The following CTNND2 variants were observed in gnomAD, a reference collection of about 807,000 sequenced individuals.
The protein encoded by CTNND2 is catenin delta 2.
A neutral mutation model predicts 144.4 loss-of-function variants in CTNND2; 22 were observed. The observed-to-expected ratio is 0.15, with a 90% CI of 0.11 to 0.22. The LOEUF is 0.22. Ranked by LOEUF, CTNND2 falls within the 10% of genes least tolerant of loss-of-function variation. CTNND2 has a pLI of 1.00. For synonymous variants in CTNND2, 751 were observed against 695.6 expected (o/e 1.08, Z -1.25); for missense variants, 1,353 against 1,618.8 (o/e 0.84, Z 2.82).
chr5:11,858,646 C>T (rs1356080375), intron 1 of CTNND2, among the ~76,000 whole-genome samples: 1 of 152,164 alleles, frequency 6.6e-6, no homozygotes, highest in African/African-American at 2.4e-5. Context: ...TAAGTAAGAA[C>T]AGGCTGGGCA....
At position 11,732,147 on chromosome 5, in the gene CTNND2, C is replaced by T. The variant is rs767934296; in HGVS notation, c.163G>A (p.Val55Ile). ...TETTSAILAS[V>I]KEQELQFERL... ...GGGAATGTTTCTACCTGTTCTTTGA[C>T]TGAGGCGAGGATGGCAGAGGTGGTT... Residue 55 changes from valine to isoleucine, a missense_variant, in exon 2 of 22, where the codon GTC becomes ATC. Val to Ile is a conservative substitution (Grantham distance 29, BLOSUM62 3). Coordinates refer to ENST00000304623, the MANE Select transcript of CTNND2 (RefSeq NM_001332.4). 6.2e-7 allele frequency: 1 copy of T among 1,613,350 alleles called. No individual in the cohort carries two copies. Among genetic ancestry groups the T allele is most frequent in the Admixed American group, 1.7e-5 (1 of 59,984 alleles).
At chr5:11,798,095 T>G (rs1791492981) in intron 1 of CTNND2, among the ~76,000 whole-genome samples, 2 of 150,272 alleles carry the variant, frequency 1.3e-5, no homozygotes, top group Non-Finnish European at 3.0e-5. Flanking sequence ...CCGTCTCTAC[T>G]AAAAATACAA....
At chr5:11,383,177 G>A (rs1280710116) in intron 7 of CTNND2, among the ~76,000 whole-genome samples, 1 of 152,064 alleles carries the variant, frequency 6.6e-6, no homozygotes, top group African/African-American at 2.4e-5. Context: ...CTTTCATGAG[G>A]TAAGTGTAAG....
intron 8 of CTNND2, among the ~76,000 whole-genome samples, chr5:11,349,821 T>C (rs1755150772): frequency 6.6e-6 from 1 of 152,204 alleles, no homozygotes; most frequent in African/African-American, 2.4e-5. Flanking sequence ...GAACATTATG[T>C]TGAAAAATAT....
chr5:11,506,802 C>T (rs1376838741), intron 3 of CTNND2, among the ~76,000 whole-genome samples: 6 of 152,192 alleles, frequency 3.9e-5, no homozygotes, highest in Non-Finnish European at 7.3e-5. Flanking sequence ...TTGCTAGATA[C>T]CAGCTCACTC....
At chr5:11,463,216 A>G (rs781600796) in intron 3 of CTNND2, among the ~76,000 whole-genome samples, 2 of 152,240 alleles carry the variant, frequency 1.3e-5, no homozygotes, top group Non-Finnish European at 2.9e-5. Flanking sequence ...TTCATTATGT[A>G]GAAAACTTGA....
intron 1 of CTNND2, among the ~76,000 whole-genome samples, chr5:11,760,476 T>C (rs1326131560): frequency 6.6e-6 from 1 of 152,200 alleles, no homozygotes; most frequent in Non-Finnish European, 1.5e-5. Context: ...GCATCAAGAA[T>C]AGTTTTTGTT....
chr5:11,001,623 C>T (rs542397870), intron 18 of CTNND2, among the ~76,000 whole-genome samples: 2 of 152,286 alleles, frequency 1.3e-5, no homozygotes, highest in African/African-American at 2.4e-5. Context: ...GAAATAAATA[C>T]ATTCAGAGCC....
At chr5:11,157,874 G>A (rs1464748263) in intron 12 of CTNND2, among the ~76,000 whole-genome samples, 1 of 152,132 alleles carries the variant, frequency 6.6e-6, no homozygotes, top group African/African-American at 2.4e-5. Context: ...ACAGGGATGG[G>A]GAGTCATTCT....
chr5:11,107,401 C>T (rs2905990), intron 14 of CTNND2, among the ~76,000 whole-genome samples: 49,441 of 151,992 alleles, frequency 0.33, 8,211 homozygotes, highest in African/African-American at 0.37. Flanking sequence ...TTATTTAGCC[C>T]TAGAGTCTCA....
intron 2 of CTNND2, among the ~76,000 whole-genome samples, chr5:11,593,659 C>A (rs900920638): frequency 6.6e-6 from 1 of 152,206 alleles, no homozygotes; most frequent in African/African-American, 2.4e-5. Context: ...TGCTCTCTGG[C>A]CTTCTGCCAT....
In CTNND2 at chr5:11,586,492, A is replaced by C. The variant is rs1010098181; in HGVS notation, c.175-21436T>G. Among the ~76,000 whole-genome samples the C allele has an allele frequency of 2.6e-5, 4 of 152,226 alleles. No homozygotes were observed. The South Asian group carries it at 8.3e-4, about 32-fold the overall frequency. On this transcript the variant is annotated intron_variant, in intron 2 of 21. Transcript: ENST00000304623. ...CCACAAAACTCAACTCTAAATCAGAATTCACACGTTAATAAGCTACCTGTA... is the reference window on the plus strand; with the variant it reads ...CCACAAAACTCAACTCTAAATCAGACTTCACACGTTAATAAGCTACCTGTA...
chr5:11,751,110 A>T (rs1404020586), intron 1 of CTNND2, among the ~76,000 whole-genome samples: 3 of 151,876 alleles, frequency 2.0e-5, no homozygotes, highest in Non-Finnish European at 4.4e-5. Flanking sequence ...AAACCATTAA[A>T]TAATTTAAAA....
At chr5:11,074,404 C>T (rs1295265398) in intron 16 of CTNND2, among the ~76,000 whole-genome samples, 1 of 152,168 alleles carries the variant, frequency 6.6e-6, no homozygotes, top group Non-Finnish European at 1.5e-5. Context: ...CGTTTCAATC[C>T]TAGACTGTGG....
intron 8 of CTNND2, among the ~76,000 whole-genome samples, chr5:11,362,071 C>T (rs1756506157): frequency 6.6e-6 from 1 of 152,142 alleles, no homozygotes; most frequent in Non-Finnish European, 1.5e-5. Context: ...CTCATAAGAA[C>T]CTGTCCTCTT....
At chr5:11,140,857 A>T (rs1756659501) in intron 12 of CTNND2, among the ~76,000 whole-genome samples, 1 of 152,246 alleles carries the variant, frequency 6.6e-6, no homozygotes, top group Non-Finnish European at 1.5e-5. Context: ...ATGGAGAATA[A>T]TTAACTGGTT....
At chr5:11,686,839 CTAT>C (rs1257353411) in intron 2 of CTNND2, among the ~76,000 whole-genome samples, 1 of 147,604 alleles carries the variant, frequency 6.8e-6, no homozygotes, top group Non-Finnish European at 1.5e-5. Context: ...ATCTAATATA[CTAT>C]ATTATACTAT....
At chr5:11,310,122 T>C (rs1466085725) in intron 9 of CTNND2, among the ~76,000 whole-genome samples, 1 of 152,190 alleles carries the variant, frequency 6.6e-6, no homozygotes, top group Non-Finnish European at 1.5e-5. Flanking sequence ...TATCTACATA[T>C]GTCTTTATTA....
intron 16 of CTNND2, among the ~76,000 whole-genome samples, chr5:11,056,724 GA>G (rs1281764111): frequency 2.0e-5 from 3 of 152,230 alleles, no homozygotes; most frequent in Non-Finnish European, 4.4e-5. Context: ...AGAGCTCAGT[GA>G]GAAGCAGCTT....
Sources: gnomAD v4.1 joint callset for allele counts (sites outside exome capture counted in the v4.1 genomes callset) on GRCh38, gnomAD v4.1.1 for gene constraint, MANE v1.5 for transcripts, NCBI Gene and HGNC (gene_info 2026-07-23, HGNC 2026-07-21) for gene names.